The following PAK3 variants were observed in gnomAD, a reference collection of about 807,000 sequenced individuals.
The protein encoded by PAK3 is serine/threonine-protein kinase PAK 3.
A neutral mutation model predicts 41.0 loss-of-function variants in PAK3; 4 were observed. That is an observed-to-expected ratio of 0.10 (90% CI 0.05 to 0.22). The LOEUF is 0.22. PAK3 is among the 10% of genes least tolerant of loss of function. PAK3 has a pLI of 1.00. For synonymous variants in PAK3, 146 were observed against 139.6 expected, an observed-to-expected ratio of 1.05 and a Z score of -0.32; for missense variants, 205 against 409.9, an observed-to-expected ratio of 0.50 and a Z score of 4.32.
chrX:111,102,397 T>C (rs1464437955), intron 3 of PAK3, among the ~76,000 whole-genome samples: 1 of 112,145 alleles, frequency 8.9e-6, no homozygotes, highest in East Asian at 2.8e-4. Flanking sequence ...CAGGAGAAGG[T>C]AGAGGGAAGC....
chrX:110,948,671 G>C (rs942328436), intron 1 of PAK3, among the ~76,000 whole-genome samples: 5 of 111,303 alleles, frequency 4.5e-5, no homozygotes, highest in Non-Finnish European at 7.5e-5. Context: ...GTTTGGGGTA[G>C]AGACTGTTGC....
At chrX:111,068,218 A>T (rs1343766142) in intron 1 of PAK3, among the ~76,000 whole-genome samples, 1 of 111,685 alleles carries the variant, frequency 9.0e-6, no homozygotes, top group Admixed American at 9.5e-5. Flanking sequence ...TTTATGGATC[A>T]TCTATAATTT....
chrX:111,056,316 T>C (rs1172968516), intron 1 of PAK3, among the ~76,000 whole-genome samples: 2 of 111,983 alleles, frequency 1.8e-5, no homozygotes, highest in Non-Finnish European at 3.8e-5. Flanking sequence ...CAGAGGAGAC[T>C]CTGGGTAAAA....
At chrX:110,944,584 C>G (rs771201285) in exon 1 of PAK3, 13 of 112,720 alleles carry the variant, frequency 1.2e-4, no homozygotes, top group South Asian at 3.7e-4. Context: ...GCAGAACCCT[C>G]GGCTGCCGCC....
At chrX:110,952,349 T>C (rs946245580) in intron 1 of PAK3, among the ~76,000 whole-genome samples, 2 of 111,134 alleles carry the variant, frequency 1.8e-5, no homozygotes, top group Non-Finnish European at 3.8e-5. Context: ...TGGGGAAACA[T>C]GAAAAAGTGG....
At chrX:110,968,122 G>A (rs1271672676) in intron 1 of PAK3, among the ~76,000 whole-genome samples, 2 of 112,321 alleles carry the variant, frequency 1.8e-5, no homozygotes, top group Non-Finnish European at 3.8e-5. Flanking sequence ...TCAGCATAAT[G>A]CCCTGGAGAT....
intron 1 of PAK3, among the ~76,000 whole-genome samples, chrX:111,041,200 T>G (rs2092449539): frequency 1.8e-5 from 2 of 112,917 alleles, no homozygotes; most frequent in African/African-American, 6.4e-5. Context: ...ATGGCAACAC[T>G]TTGGCACTTA....
intron 1 of PAK3, among the ~76,000 whole-genome samples, chrX:111,064,753 A>G (rs2092687595): frequency 8.9e-6 from 1 of 112,414 alleles, no homozygotes. Flanking sequence ...GCTGTGATGA[A>G]CATACAAGTG....
intron 5 of PAK3, among the ~76,000 whole-genome samples, chrX:111,129,344 G>C (rs1244256686): frequency 9.0e-6 from 1 of 111,475 alleles, no homozygotes; most frequent in Admixed American, 9.6e-5. Context: ...ATCAGAGACT[G>C]CTACATCCTG....
chrX:111,166,060 T>G (rs2094251241), intron 10 of PAK3, among the ~76,000 whole-genome samples: 1 of 110,427 alleles, frequency 9.1e-6, no homozygotes, highest in Non-Finnish European at 1.9e-5. Context: ...ACTGCCAACC[T>G]TACATTGGAT....
At chrX:111,058,898 C>T (rs1569292422) in intron 1 of PAK3, among the ~76,000 whole-genome samples, 1 of 111,146 alleles carries the variant, frequency 9.0e-6, no homozygotes, top group Non-Finnish European at 1.9e-5. Context: ...TGTCTCAGTA[C>T]CATTTGTTGA....
chrX:111,120,081 A>G (rs1390139678), intron 4 of PAK3, among the ~76,000 whole-genome samples: 1 of 112,392 alleles, frequency 8.9e-6, no homozygotes, highest in Non-Finnish European at 1.9e-5. Context: ...GGACCTGGAC[A>G]TAGGTTCTTC....
At chrX:111,141,006 C>A (rs2093863447) in intron 5 of PAK3, among the ~76,000 whole-genome samples, 1 of 112,086 alleles carries the variant, frequency 8.9e-6, no homozygotes, top group Admixed American at 9.4e-5. Flanking sequence ...ACCGCCCTGG[C>A]AATTCTGAAG....
At chrX:111,206,104 T>C (rs1361644058) in intron 16 of PAK3, among the ~76,000 whole-genome samples, 1 of 110,933 alleles carries the variant, frequency 9.0e-6, no homozygotes, top group Non-Finnish European at 1.9e-5. Flanking sequence ...GTCCCCTTGG[T>C]CTCCCAGATT....
chrX:111,172,127 T>A (rs1360797558), intron 10 of PAK3, among the ~76,000 whole-genome samples: 2 of 111,616 alleles, frequency 1.8e-5, no homozygotes, highest in Non-Finnish European at 3.8e-5. Flanking sequence ...TTTTACTAAA[T>A]AGTGTGGATA....
intron 1 of PAK3, among the ~76,000 whole-genome samples, chrX:110,993,529 A>T (rs904878830): frequency 3.6e-5 from 4 of 111,815 alleles, no homozygotes; most frequent in African/African-American, 1.3e-4. Context: ...AAAATGAAAA[A>T]GTCTTGTGGC....
rs747914739 is a variant in PAK3, at chrX:110,965,637, C to T, written c.-28+21009C>T. 2.7e-5 allele frequency among the ~76,000 whole-genome samples: 3 copies of T among 112,453 alleles called. No homozygotes were observed. The South Asian group carries it at 1.1e-3, about 42-fold the overall frequency. On this transcript the variant is annotated intron_variant, in intron 1 of 14. Coordinates refer to the PAK3 transcript ENST00000425146. ...CACTAGCAGCAAGCATGAGCTTAGG[C>T]AATCATTTGATTTATTCAAGCTTCA...
Position 111,104,855 on chromosome X carries a change from G to A in PAK3, c.-28+1549G>A, listed in dbSNP as rs187296508. Among the ~76,000 whole-genome samples, 715 of 111,488 alleles carry A rather than the reference G, an allele frequency of 6.4e-3. 3 individuals are homozygous for A. The highest frequency in any genetic ancestry group is 0.011 in the Non-Finnish European group (580 of 53,116). On this transcript the variant is annotated intron_variant, in intron 4 of 17. Coordinates refer to ENST00000372007, the MANE Select transcript of PAK3 (RefSeq NM_002578.5). ...CTGTTTTACCAAGGAGGAGATAGAG[G>A]CTGAGAGAAGCTAAGTAACTTGCCT...
rs758409258 is a variant in PAK3 at position 111,061,719 on chromosome X, T to C, written c.-27-61358T>C. Among the ~76,000 whole-genome samples the C allele has an allele frequency of 2.7e-5, 3 of 112,181 alleles. No individual in the cohort carries two copies. The South Asian group carries it at 1.1e-3, about 42-fold the overall frequency. ...TATTTATTTCAGAGCTTTTTTGCTG[T>C]TATAAATGATATTTGCTTTTCTATT... On this transcript the variant is annotated intron_variant, in intron 1 of 14. Transcript: ENST00000425146.
Sources: allele counts gnomAD v4.1 joint callset (sites outside exome capture counted in the v4.1 genomes callset), GRCh38; gene constraint gnomAD v4.1.1; transcripts MANE v1.5; gene names NCBI Gene and HGNC (gene_info 2026-07-23, HGNC 2026-07-21).